MYH11: variants seen among roughly 807,000 people sequenced by gnomAD.
The protein encoded by MYH11 is myosin-11.
In MYH11, 80 loss-of-function variants were observed where a neutral mutation model predicts 246.6. That is an observed-to-expected ratio of 0.32 (90% CI 0.27 to 0.39). MYH11 has a LOEUF of 0.39. Among genes scored for constraint, MYH11 ranks in the 10% least tolerant of loss-of-function variants. The pLI is 1.00. For missense variants in MYH11, 2,158 were observed against 2,546.8 expected (o/e 0.85, Z 3.29); for synonymous variants, 1,071 against 1,015.5 (o/e 1.05, Z -1.04).
At chr16:15,852,824 T>C (rs1180648272) in intron 1 of MYH11, among the ~76,000 whole-genome samples, 1 of 152,092 alleles carries the variant, frequency 6.6e-6, no homozygotes, top group African/African-American at 2.4e-5. Flanking sequence ...ATCGGGGTCT[T>C]GAAAGGTAAA....
At chr16:15,805,870 T>C (rs1443709628) in intron 3 of MYH11, among the ~76,000 whole-genome samples, 1 of 152,116 alleles carries the variant, frequency 6.6e-6, no homozygotes, top group Non-Finnish European at 1.5e-5. Context: ...AAGCCACGAC[T>C]GCACCACGGT....
chr16:15,724,563 C>T lies in MYH11; in HGVS notation c.4116+84G>A, dbSNP rs527245682. On this transcript the variant is annotated intron_variant, in intron 30 of 40. Transcript: ENST00000300036. The stretch of plus-strand genomic sequence containing the variant: ...GGGGTCAAGCACCATCGCACCAACA[C>T]TCCACCGCGATCTGCCTGCGGGGGA... The T allele has an allele frequency of 1.0e-4, 162 of 1,609,148 alleles. 1 individual carries two copies. In the African/African-American group the frequency reaches 1.4e-3, roughly 14 times the overall value.
At position 15,750,823 on chromosome 16, in the gene MYH11, C is replaced by T. The variant is rs372163532; in HGVS notation, c.1865-492G>A. Among the ~76,000 whole-genome samples, 15 of 152,070 alleles carry T rather than the reference C, an allele frequency of 9.9e-5. No individual in the cohort carries two copies. Among genetic ancestry groups the T allele is most frequent in the East Asian group, 5.8e-4 (3 of 5,184 alleles). ...AAAAAAAGACCCGGCCCCCTCACCC[C>T]GCTTATATCACAGGGAAGGAGACAG... On this transcript the variant is annotated intron_variant, in intron 15 of 40. Coordinates refer to ENST00000300036, the MANE Select transcript of MYH11 (RefSeq NM_002474.3). The surrounding 1 kb of genome is among the most constrained non-coding windows in gnomAD (Gnocchi z 4.3).
chr16:15,783,034 T>C (rs2042391372), intron 5 of MYH11: 1 of 158,620 alleles, frequency 6.3e-6, no homozygotes, highest in Admixed American at 5.9e-5. Context: ...AGGAATCCTC[T>C]TAGCGGACTG....
At chr16:15,779,949 G>A (rs1390779068) in intron 6 of MYH11, among the ~76,000 whole-genome samples, 1 of 152,338 alleles carries the variant, frequency 6.6e-6, no homozygotes, top group South Asian at 2.1e-4. Flanking sequence ...CTCAGTCCTT[G>A]ACAAAACCTT....
intron 4 of MYH11, among the ~76,000 whole-genome samples, chr16:15,788,180 T>C (rs777306953): frequency 4.7e-5 from 7 of 148,252 alleles, no homozygotes; most frequent in Non-Finnish European, 8.9e-5. Flanking sequence ...ATACTGCCTC[T>C]ATGTTCCACC....
At chr16:15,843,101 G>A (rs2044097663) in intron 1 of MYH11, among the ~76,000 whole-genome samples, 1 of 152,274 alleles carries the variant, frequency 6.6e-6, no homozygotes, top group African/African-American at 2.4e-5. Flanking sequence ...TGGGCACGGT[G>A]GTTCACACCT....
At chr16:15,727,256 C>T (rs545239257) in intron 27 of MYH11, among the ~76,000 whole-genome samples, 38 of 151,744 alleles carry the variant, frequency 2.5e-4, no homozygotes, top group Admixed American at 4.6e-4. Flanking sequence ...GCTGGAGTGC[C>T]GTGGCACAAT....
At chr16:15,740,619 A>T (rs903133116) in intron 22 of MYH11, among the ~76,000 whole-genome samples, 3 of 151,882 alleles carry the variant, frequency 2.0e-5, no homozygotes, top group African/African-American at 7.3e-5. Flanking sequence ...TCAAAAAAAA[A>T]AAAAAAATAA....
chr16:15,747,426 A>G (rs567617001), intron 19 of MYH11, 144 bp downstream of exon 19: 3 of 1,014,576 alleles, frequency 3.0e-6, no homozygotes, highest in South Asian at 2.7e-5. Context: ...AAGTAGAAGC[A>G]TTTCTTCCCC....
At position 15,751,402 on chromosome 16, in the gene MYH11, A is replaced by G. The variant is rs185919622; in HGVS notation, c.1865-1071T>C. On this transcript the variant is annotated intron_variant, in intron 15 of 40. Coordinates refer to ENST00000300036, the MANE Select transcript of MYH11 (RefSeq NM_002474.3). ...GGTCTCGAACTCCTGACCTCAGGTGATTCCCCTGCCTTGGCCTCCCAATGT... is the reference window on the plus strand; with the variant it reads ...GGTCTCGAACTCCTGACCTCAGGTGGTTCCCCTGCCTTGGCCTCCCAATGT... Among the ~76,000 whole-genome samples the G allele has an allele frequency of 3.6e-3, 552 of 151,806 alleles. 8 individuals carry two copies. Among genetic ancestry groups the G allele is most frequent in the African/African-American group, 0.012 (512 of 41,392 alleles).
At chr16:15,765,312 T>C (rs1010799603) in intron 9 of MYH11, among the ~76,000 whole-genome samples, 3 of 151,758 alleles carry the variant, frequency 2.0e-5, no homozygotes, top group Non-Finnish European at 4.4e-5. Flanking sequence ...GGATAGAGGA[T>C]AGACGGATGA....
intron 2 of MYH11, among the ~76,000 whole-genome samples, chr16:15,833,901 G>T (rs924864239): frequency 6.6e-6 from 1 of 152,056 alleles, no homozygotes; most frequent in East Asian, 1.9e-4. Flanking sequence ...TTTCTATTAA[G>T]CAATTAAACT....
rs886038854 is a variant in MYH11 at position 15,735,493 on chromosome 16, G to A, written c.3379C>T (p.Leu1127=). The A allele has an allele frequency of 1.9e-6, 3 of 1,614,120 alleles. No individual in the cohort carries two copies. Among genetic ancestry groups the A allele is most frequent in the Non-Finnish European group, 2.5e-6 (3 of 1,180,024 alleles). Reference sequence around the variant, plus strand: ...TTCCTGGCGGCCCGCTCTGAGTCCAGGTCCTCCTGGAGGTCTGAGATGTGG... The same window carrying A: ...TTCCTGGCGGCCCGCTCTGAGTCCAAGTCCTCCTGGAGGTCTGAGATGTGG... ...EGHISDLQED[L]DSERAARNKA... The change falls in exon 26 of 41, where the codon CTG becomes TTG. Residue 1127 remains leucine, a synonymous_variant. Coordinates refer to ENST00000300036, the MANE Select transcript of MYH11 (RefSeq NM_002474.3).
intron 1 of MYH11, among the ~76,000 whole-genome samples, chr16:15,842,761 CCAA>C (rs2044087974): frequency 4.1e-5 from 2 of 48,992 alleles, no homozygotes; most frequent in African/African-American, 9.0e-5. Context: ...AAGACTTCAT[CCAA>C]AAAAAAAAAA....
At chr16:15,723,885 G>C (rs148942771) in intron 31 of MYH11, among the ~76,000 whole-genome samples, 338 of 152,248 alleles carry the variant, frequency 2.2e-3, no homozygotes, top group African/African-American at 7.9e-3. Flanking sequence ...CCTTCTTCAG[G>C]CTAGAAACTA....
chr16:15,717,084 C>T, intron 38 of MYH11, 56 bp downstream of exon 38: 1 of 1,576,424 alleles, frequency 6.3e-7, no homozygotes, highest in Non-Finnish European at 8.7e-7. Context: ...TTCACTATGA[C>T]TCCTGCTGTC....
At chr16:15,720,522 A>C (rs1344209242) in intron 33 of MYH11, among the ~76,000 whole-genome samples, 1 of 151,854 alleles carries the variant, frequency 6.6e-6, no homozygotes, top group African/African-American at 2.4e-5. Flanking sequence ...CAACAGGAGA[A>C]TGGATCACTT....
At chr16:15,793,469 T>G (rs948497691) in intron 4 of MYH11, among the ~76,000 whole-genome samples, 4 of 151,752 alleles carry the variant, frequency 2.6e-5, no homozygotes, top group Non-Finnish European at 5.9e-5. Context: ...ATTTTTAAAT[T>G]TTTTGTAGTA....
Sources: allele counts gnomAD v4.1 joint callset (sites outside exome capture counted in the v4.1 genomes callset), GRCh38; gene constraint gnomAD v4.1.1; non-coding constraint Gnocchi (gnomAD v3.1); transcripts MANE v1.5; gene names NCBI Gene and HGNC (gene_info 2026-07-23, HGNC 2026-07-21).